The following LRP1B variants were observed in gnomAD, a reference collection of about 807,000 sequenced individuals.
LRP1B encodes the protein low-density lipoprotein receptor-related protein 1B.
Under a neutral mutation model 556.6 loss-of-function variants are expected in LRP1B, and 217 were observed. The observed-to-expected ratio is 0.39, with a 90% CI of 0.35 to 0.44. The LOEUF (loss-of-function observed/expected upper bound fraction) is 0.44. Ranked by LOEUF, LRP1B falls within the 20% of genes least tolerant of loss-of-function variation. LRP1B has a pLI of 1.00. For synonymous variants in LRP1B, 2,047 were observed against 1,865.8 expected (o/e 1.10, Z -2.50); for missense variants, 5,053 against 5,620.8 (o/e 0.90, Z 3.23).
chr2:141,098,993 C>T (rs1445020829), intron 7 of LRP1B, among the ~76,000 whole-genome samples: 3 of 152,048 alleles, frequency 2.0e-5, no homozygotes, highest in African/African-American at 7.2e-5. Flanking sequence ...TCCTTAGTTC[C>T]AAAACATTCA....
At chr2:140,765,800 G>A (rs1689082506) in intron 35 of LRP1B, among the ~76,000 whole-genome samples, 1 of 152,022 alleles carries the variant, frequency 6.6e-6, no homozygotes, top group African/African-American at 2.4e-5. Flanking sequence ...GTAATATCAT[G>A]GTAATGAAAT....
chr2:140,444,216 T>C (rs1686552980), intron 65 of LRP1B, 114 bp downstream of exon 65: 4 of 1,135,138 alleles, frequency 3.5e-6, no homozygotes, highest in Non-Finnish European at 4.9e-6. Flanking sequence ...TATTTGACCA[T>C]AATTTCTTTT....
chr2:141,653,863 T>C (rs1689895134), intron 2 of LRP1B, among the ~76,000 whole-genome samples: 1 of 152,228 alleles, frequency 6.6e-6, no homozygotes, highest in Non-Finnish European at 1.5e-5. Context: ...TTCTTTTTTT[T>C]CTTTTATAAA....
intron 3 of LRP1B, among the ~76,000 whole-genome samples, chr2:141,312,076 T>G (rs1371485171): frequency 1.3e-5 from 2 of 152,140 alleles, no homozygotes; most frequent in African/African-American, 2.4e-5. Flanking sequence ...AGTTGACCCT[T>G]GAATAATACT....
At chr2:141,686,484 A>C (rs930992968) in intron 2 of LRP1B, among the ~76,000 whole-genome samples, 3 of 151,972 alleles carry the variant, frequency 2.0e-5, no homozygotes, top group African/African-American at 4.8e-5. Flanking sequence ...TAATTGTTTT[A>C]TAGGAAATTT....
At chr2:140,424,752 ACATG>A (rs1218485456) in intron 66 of LRP1B, among the ~76,000 whole-genome samples, 2 of 152,200 alleles carry the variant, frequency 1.3e-5, no homozygotes, top group Non-Finnish European at 2.9e-5. Context: ...CAGTGCGTGA[ACATG>A]CTGCTAGATA....
intron 43 of LRP1B, among the ~76,000 whole-genome samples, chr2:140,570,504 T>C (rs1390762613): frequency 6.6e-6 from 1 of 151,644 alleles, no homozygotes; most frequent in Non-Finnish European, 1.5e-5. Flanking sequence ...ACATAGCATT[T>C]AGGAAAAACA....
At chr2:141,234,480 G>A (rs1008745461) in intron 5 of LRP1B, among the ~76,000 whole-genome samples, 16 of 152,110 alleles carry the variant, frequency 1.1e-4, no homozygotes, top group Middle Eastern at 6.8e-3. Context: ...GGGCTCAAGC[G>A]ATTCTCCTGC....
intron 3 of LRP1B, among the ~76,000 whole-genome samples, chr2:141,358,518 C>T (rs1047815168): frequency 6.6e-6 from 1 of 152,180 alleles, no homozygotes; most frequent in Non-Finnish European, 1.5e-5. Flanking sequence ...GAGAAATACC[C>T]TGACTTCTTT....
intron 3 of LRP1B, among the ~76,000 whole-genome samples, chr2:141,368,549 T>C (rs1176913890): frequency 1.3e-5 from 2 of 152,212 alleles, no homozygotes; most frequent in Non-Finnish European, 2.9e-5. Context: ...AATATAGTAT[T>C]CTGAATACAA....
intron 20 of LRP1B, among the ~76,000 whole-genome samples, chr2:140,929,781 C>CACAT (rs1046791065): frequency 7.9e-5 from 12 of 151,678 alleles, no homozygotes; most frequent in African/African-American, 2.9e-4. Context: ...CACACACACA[C>CACAT]ACACACACAC....
rs1001140286 is a variant in LRP1B at position 141,185,961 on chromosome 2, C to G, written c.1013+2460G>C. ...AGGCTTGGTGGTAGGCAACTGTCAT[C>G]CCAGCTACTCAGGAGGCTGAGGCAG... On this transcript the variant is annotated intron_variant, in intron 7 of 90. Transcript: ENST00000389484. Among the ~76,000 whole-genome samples, 4 of 150,558 alleles carry G rather than the reference C, an allele frequency of 2.7e-5. No individual in the cohort carries two copies. The Admixed American group carries it at 2.7e-4, about 10-fold the overall frequency.
rs1056151409 is a variant in LRP1B, at chr2:142,105,792, G to A, written c.82+24856C>T. Among the ~76,000 whole-genome samples, 5 of 151,950 alleles carry A rather than the reference G, an allele frequency of 3.3e-5. No homozygotes were observed. In the South Asian group the frequency reaches 6.2e-4, roughly 19 times the overall value. On this transcript the variant is annotated intron_variant, in intron 1 of 90. Transcript: ENST00000389484. ...GTTTATACTTCAATTATTAATATAC[G>A]TATTTTAGTAGGAAATTTATTTTAA...
chr2:141,112,700 A>C (rs535429763), intron 7 of LRP1B, among the ~76,000 whole-genome samples: 1 of 152,302 alleles, frequency 6.6e-6, no homozygotes, highest in East Asian at 1.9e-4. Context: ...GCCTGCAAGA[A>C]CCTAACCTTG....
chr2:140,579,797 G>A (rs543539588), intron 43 of LRP1B, among the ~76,000 whole-genome samples: 36 of 152,214 alleles, frequency 2.4e-4, no homozygotes, highest in East Asian at 1.7e-3. Context: ...AACCGAGATC[G>A]CGCCACTGCA....
At chr2:140,990,402 A>G (rs1013015078) in intron 16 of LRP1B, among the ~76,000 whole-genome samples, 41 of 152,152 alleles carry the variant, frequency 2.7e-4, no homozygotes, top group African/African-American at 9.6e-4. Flanking sequence ...ACATTCAAAT[A>G]TTTCTTAACA....
intron 43 of LRP1B, among the ~76,000 whole-genome samples, chr2:140,561,180 T>C (rs1215387585): frequency 6.6e-6 from 1 of 152,172 alleles, no homozygotes; most frequent in Non-Finnish European, 1.5e-5. Flanking sequence ...GAATGATTAC[T>C]GTAACTTTTC....
At chr2:140,535,275 T>A (rs1250433728) in intron 46 of LRP1B, among the ~76,000 whole-genome samples, 1 of 152,184 alleles carries the variant, frequency 6.6e-6, no homozygotes, top group East Asian at 1.9e-4. Context: ...AGTCAACTTA[T>A]AGTAAATGCA....
intron 3 of LRP1B, among the ~76,000 whole-genome samples, chr2:141,350,729 C>A (rs1688414331): frequency 6.6e-6 from 1 of 151,998 alleles, no homozygotes; most frequent in Non-Finnish European, 1.5e-5. Flanking sequence ...TAACATAAAG[C>A]AGGTAATCAT....
Sources: gnomAD v4.1 joint callset for allele counts (sites outside exome capture counted in the v4.1 genomes callset) on GRCh38, gnomAD v4.1.1 for gene constraint, MANE v1.5 for transcripts, NCBI Gene and HGNC (gene_info 2026-07-23, HGNC 2026-07-21) for gene names.